The following MGA variants were observed in gnomAD, a reference collection of about 807,000 sequenced individuals.
MGA encodes the protein MAX dimerization protein MGA.
Under a neutral mutation model 261.1 loss-of-function variants are expected in MGA, and 40 were observed. The observed-to-expected ratio is 0.15, with a 90% CI of 0.12 to 0.20. The LOEUF (loss-of-function observed/expected upper bound fraction) is 0.20. Among genes scored for constraint, MGA ranks in the 10% least tolerant of loss-of-function variants. MGA has a pLI of 1.00. For synonymous variants in MGA, 1,302 were observed against 1,290.6 expected, an observed-to-expected ratio of 1.01 and a Z score of -0.19; for missense variants, 3,397 against 3,630.5, an observed-to-expected ratio of 0.94 and a Z score of 1.65.
chr15:41,710,286 A>G (rs2060323247), intron 7 of MGA, among the ~76,000 whole-genome samples: 1 of 152,216 alleles, frequency 6.6e-6, no homozygotes, highest in African/African-American at 2.4e-5. Context: ...ATAATTTTAG[A>G]GAATGGATTT....
At chr15:41,642,809 C>T (rs950926982) in intron 1 of MGA, among the ~76,000 whole-genome samples, 7 of 151,262 alleles carry the variant, frequency 4.6e-5, no homozygotes, top group East Asian at 1.9e-4. Context: ...GGGGTTTCAC[C>T]GTGTTGGCCA....
intron 5 of MGA, among the ~76,000 whole-genome samples, chr15:41,702,171 A>G (rs1433166879): frequency 1.3e-5 from 2 of 152,116 alleles, no homozygotes; most frequent in Non-Finnish European, 2.9e-5. Flanking sequence ...AATACAAAAA[A>G]TTAGCCAGGT....
chr15:41,764,202 T>C (rs991806596), intron 22 of MGA, among the ~76,000 whole-genome samples: 6 of 151,518 alleles, frequency 4.0e-5, no homozygotes, highest in African/African-American at 1.5e-4. Flanking sequence ...TTTTACTCTT[T>C]AAATGTTTGG....
intron 2 of MGA, among the ~76,000 whole-genome samples, chr15:41,672,154 G>A (rs1566957319): frequency 2.0e-5 from 3 of 152,124 alleles, no homozygotes; most frequent in Admixed American, 6.6e-5. Flanking sequence ...AGGGTCAGAC[G>A]TATGTTTGTT....
chr15:41,657,219 C>A (rs1391111496), upstream of MGA, among the ~76,000 whole-genome samples: 1 of 152,048 alleles, frequency 6.6e-6, no homozygotes, highest in Non-Finnish European at 1.5e-5. Context: ...TCATACTTTG[C>A]CCCCCAGCAT....
chr15:41,646,304 G>T (rs972258276), intron 1 of MGA, among the ~76,000 whole-genome samples: 1 of 151,718 alleles, frequency 6.6e-6, no homozygotes, highest in Non-Finnish European at 1.5e-5. Context: ...TTAGCTGTGA[G>T]GAGATATTCC....
intron 5 of MGA, among the ~76,000 whole-genome samples, chr15:41,702,523 A>G (rs946467653): frequency 2.6e-5 from 4 of 152,184 alleles, no homozygotes; most frequent in Non-Finnish European, 4.4e-5. Context: ...GCTATTAACT[A>G]TAATTTCATT....
chr15:41,729,309 C>A lies in MGA; in HGVS notation c.3803C>A (p.Thr1268Asn). ...CCATCTCCATCATTTCAGCAGCAAA[C>A]TTCATGTCATTCTAGCCCTGAGAAC... The change falls in exon 11 of 24, where the codon ACT becomes AAT. Residue 1268 changes from threonine to asparagine, a missense_variant. Around this residue, in one of 9 missense-constraint regions of MGA, gnomAD observed 1,410 missense variants for 1,386.4 expected, o/e 1.02. Coordinates refer to ENST00000219905, the MANE Select transcript of MGA (RefSeq NM_001164273.2). 1 of 1,613,922 alleles carries A rather than the reference C, an allele frequency of 6.2e-7. No homozygotes were observed. Among genetic ancestry groups the A allele is most frequent in the Non-Finnish European group, 8.5e-7 (1 of 1,179,868 alleles).
chr15:41,630,635 A>G (rs1301265706), intron 1 of MGA, among the ~76,000 whole-genome samples: 1 of 152,226 alleles, frequency 6.6e-6, no homozygotes, highest in Non-Finnish European at 1.5e-5. Context: ...GTCTTAGTTC[A>G]GAGACATATT....
At chr15:41,741,046 G>A (rs562875193) in intron 14 of MGA, among the ~76,000 whole-genome samples, 1 of 152,158 alleles carries the variant, frequency 6.6e-6, no homozygotes, top group East Asian at 1.9e-4. Flanking sequence ...GATATTTATT[G>A]TTTGCCTTAA....
At chr15:41,679,571 G>A (rs1204258489) in intron 2 of MGA, among the ~76,000 whole-genome samples, 1 of 151,956 alleles carries the variant, frequency 6.6e-6, no homozygotes, top group Non-Finnish European at 1.5e-5. Flanking sequence ...TATATTGAGT[G>A]ATTTCCTTTT....
At chr15:41,687,235 A>T (rs1418588213) in intron 2 of MGA, among the ~76,000 whole-genome samples, 2 of 152,078 alleles carry the variant, frequency 1.3e-5, no homozygotes, top group Non-Finnish European at 2.9e-5. Context: ...CATGGATCAT[A>T]TGTGCCTACC....
chr15:41,735,727 C>G (rs1041731518), intron 12 of MGA, among the ~76,000 whole-genome samples: 9 of 149,232 alleles, frequency 6.0e-5, no homozygotes, highest in African/African-American at 2.3e-4. Flanking sequence ...AGCTAGACTC[C>G]GTCTCAAAAA....
chr15:41,767,055 T>C lies in MGA; in HGVS notation c.8973T>C (p.Pro2991=). ...GGAGGCCTATGCCAAAGTTGGCCCC[T>C]CTAGGTTTAAAAGTAGCTAATCCTT... Residue 2991 remains proline (P), a synonymous_variant, in exon 24 of 24, where the codon CCT becomes CCC. Transcript: ENST00000219905. 6.2e-7 allele frequency: 1 copy of C among 1,613,972 alleles called. No homozygotes were observed. The highest frequency in any genetic ancestry group is 1.3e-5 in the African/African-American group (1 of 75,038).
chr15:41,686,015 AAAAAT>A (rs1257459506), intron 2 of MGA, among the ~76,000 whole-genome samples: 1 of 149,422 alleles, frequency 6.7e-6, no homozygotes, highest in Non-Finnish European at 1.5e-5. Context: ...AAAAAAAAAA[AAAAAT>A]AATAATAATA....
chr15:41,638,477 T>G (rs890542013), intron 1 of MGA, among the ~76,000 whole-genome samples: 4 of 151,836 alleles, frequency 2.6e-5, no homozygotes, highest in Admixed American at 6.6e-5. Flanking sequence ...GAGATCCTCC[T>G]GCCTTAGCCT....
At chr15:41,718,520 G>T in intron 9 of MGA, 1 of 517,192 alleles carries the variant, frequency 1.9e-6, no homozygotes, top group South Asian at 3.6e-5. Flanking sequence ...TAGTCTTGTA[G>T]TTCTCTTTTT....
chr15:41,688,597 G>A (rs1258934170), intron 2 of MGA, among the ~76,000 whole-genome samples: 1 of 152,054 alleles, frequency 6.6e-6, no homozygotes, highest in Non-Finnish European at 1.5e-5. Context: ...TACATTTAAT[G>A]CCATTACTTA....
At chr15:41,625,410 A>C (rs1035894601) in intron 1 of MGA, among the ~76,000 whole-genome samples, 8 of 151,712 alleles carry the variant, frequency 5.3e-5, no homozygotes, top group African/African-American at 1.9e-4. Context: ...AACAAGGCTG[A>C]TACAGGAGGA....
Sources: allele counts gnomAD v4.1 joint callset (sites outside exome capture counted in the v4.1 genomes callset), GRCh38; gene constraint gnomAD v4.1.1; regional missense constraint gnomAD v4.1.1; transcripts MANE v1.5; gene names NCBI Gene and HGNC (gene_info 2026-07-23, HGNC 2026-07-21).